Variants in RUNX1 observed in about 807,000 individuals in gnomAD.
RUNX1 encodes the protein RUNX family transcription factor 1.
Under a neutral mutation model 42.8 loss-of-function variants are expected in RUNX1, and 19 were observed. That is an observed-to-expected ratio of 0.44 (90% confidence interval 0.31 to 0.65). The LOEUF (loss-of-function observed/expected upper bound fraction) is 0.65. RUNX1 is among the 30% of genes least tolerant of loss of function. The probability of loss-of-function intolerance (pLI) is 0.07; values close to 1 mark genes in which losing one functional copy is unlikely to be tolerated. For synonymous variants in RUNX1, 271 were observed against 289.4 expected, an observed-to-expected ratio of 0.94 and a Z score of 0.64; for missense variants, 528 against 672.0, an observed-to-expected ratio of 0.79 and a Z score of 2.37.
chr21:34,906,536 C>T (rs1159518246), intron 2 of RUNX1, among the ~76,000 whole-genome samples: 7 of 152,148 alleles, frequency 4.6e-5, no homozygotes, highest in African/African-American at 1.4e-4. Context: ...GAACAATTAT[C>T]CCCTAAGGCT....
At chr21:34,934,358 T>C (rs902958457) in intron 2 of RUNX1, among the ~76,000 whole-genome samples, 1 of 152,298 alleles carries the variant, frequency 6.6e-6, no homozygotes, top group African/African-American at 2.4e-5. Context: ...GTCATTTTCA[T>C]GTTTCTCTTG....
chr21:34,962,598 C>T (rs190218057), intron 2 of RUNX1, among the ~76,000 whole-genome samples: 1 of 152,274 alleles, frequency 6.6e-6, no homozygotes, highest in East Asian at 1.9e-4. Flanking sequence ...CTTTACCACG[C>T]CACCCTGGCA....
chr21:34,951,391 C>T (rs1371207235), intron 2 of RUNX1, among the ~76,000 whole-genome samples: 4 of 152,166 alleles, frequency 2.6e-5, no homozygotes, highest in Non-Finnish European at 5.9e-5. Context: ...TCAATTTTGG[C>T]TTTTGTTGCC....
Position 34,791,834 on chromosome 21 carries a change from T to C in RUNX1, c.*301A>G, listed in dbSNP as rs2056438785. 4.2e-6 allele frequency: 1 copy of C among 238,716 alleles called. No individual in the cohort carries two copies. The highest frequency in any genetic ancestry group is 8.3e-6 in the Non-Finnish European group (1 of 121,106). 14.8% of individuals were successfully genotyped at this position (238,716 alleles called of 1,614,324 possible). A position where few individuals can be genotyped will look rare whatever the true frequency, so the allele number is the denominator to read the frequency against. ...CACAGTTTCCCTCCGGGAATCTTCC[T>C]GTTTGCTTTCCAGCGCGTCCCCTGG... is the stretch of plus-strand genomic sequence containing the variant. On this transcript the variant is annotated 3_prime_UTR_variant, in exon 9 of 9. Coordinates refer to ENST00000675419, the MANE Select transcript of RUNX1 (RefSeq NM_001754.5).
At chr21:34,800,190 T>A (rs2056589123) in intron 7 of RUNX1, among the ~76,000 whole-genome samples, 2 of 152,174 alleles carry the variant, frequency 1.3e-5, no homozygotes, top group Non-Finnish European at 2.9e-5. Context: ...AGGCCTGGGA[T>A]AGAGAAGAGA....
chr21:34,792,318 G>GCCCCCCCCC lies in RUNX1; in HGVS notation c.1259_1260insGGGGGGGGG (p.Gly421_Glu422insGlyGlyGly). The GCCCCCCCCC allele has an allele frequency of 1.4e-6, 2 of 1,470,034 alleles. No homozygotes were observed. Among genetic ancestry groups the GCCCCCCCCC allele is most frequent in the Non-Finnish European group, 1.8e-6 (2 of 1,099,412 alleles). The allele number at this position is 1,470,034 out of a possible 1,614,324, so 91.1% of individuals were successfully genotyped here. On this transcript the variant is annotated inframe_insertion, in exon 9 of 9. Coordinates refer to ENST00000675419, the MANE Select transcript of RUNX1 (RefSeq NM_001754.5). This position sits in a 1 kb window ranked among gnomAD's most constrained non-coding sequence, Gnocchi z 6.9. ...GGATGCGCGGCGGCGAGCGCTCGCC[G>GCCCCCCCCC]CCCACCATGGAGAACTGGTAGGAGC...
At chr21:34,952,752 T>C (rs1223320293) in intron 2 of RUNX1, among the ~76,000 whole-genome samples, 2 of 152,206 alleles carry the variant, frequency 1.3e-5, no homozygotes, top group Non-Finnish European at 2.9e-5. Context: ...TTCTTCTCAC[T>C]TTCAGGTCAT....
intron 8 of RUNX1, among the ~76,000 whole-genome samples, chr21:34,798,563 G>A (rs1204927339): frequency 6.6e-6 from 1 of 151,894 alleles, no homozygotes; most frequent in East Asian, 1.9e-4. Context: ...CTCTATATCC[G>A]TGGGTTCTGC....
rs56957776 is a variant in RUNX1 at position 34,823,430 on chromosome 21, GTT to G, written c.805+10978_805+10979del. ...TAAGCACCATTTCCATTCCTGGTGG[GTT>G]TTTTTTTTTTTTTTTTTTTTTTTTT... is the stretch of plus-strand genomic sequence containing the variant. On this transcript the variant is annotated intron_variant, in intron 7 of 8. Coordinates refer to ENST00000675419, the MANE Select transcript of RUNX1 (RefSeq NM_001754.5). Among the ~76,000 whole-genome samples, 117 of 99,626 alleles carry G rather than the reference GTT, an allele frequency of 1.2e-3. 1 individual carries two copies. Among genetic ancestry groups the G allele is most frequent in the African/African-American group, 5.6e-3 (110 of 19,502 alleles). The allele number at this position is 99,626 out of a possible 152,430, so 65.4% of individuals were successfully genotyped here.
intron 2 of RUNX1, among the ~76,000 whole-genome samples, chr21:34,982,039 C>T (rs1374958385): frequency 6.6e-6 from 1 of 152,164 alleles, no homozygotes; most frequent in East Asian, 1.9e-4. Flanking sequence ...TGGGCACATT[C>T]GTTAGTACAT....
chr21:34,849,283 TATATTATATATAAAATATATA>T (rs2057363198), intron 6 of RUNX1, among the ~76,000 whole-genome samples: 1 of 65,616 alleles, frequency 1.5e-5, no homozygotes. Flanking sequence ...ATATATAATA[TATATTATATATAAAATATATA>T]ATATATATTA....
intron 2 of RUNX1, among the ~76,000 whole-genome samples, chr21:35,007,951 G>A (rs1950533294): frequency 6.6e-6 from 1 of 152,082 alleles, no homozygotes; most frequent in African/African-American, 2.4e-5. Flanking sequence ...CCCATTTTAT[G>A]GATCCAGGTT....
intron 2 of RUNX1, among the ~76,000 whole-genome samples, chr21:34,931,982 C>T (rs1308262069): frequency 6.6e-6 from 1 of 151,976 alleles, no homozygotes; most frequent in African/African-American, 2.4e-5. Flanking sequence ...CAAACTTGGC[C>T]ATATGTAAGA....
At chr21:34,850,114 G>A (rs549822766) in intron 6 of RUNX1, among the ~76,000 whole-genome samples, 1 of 152,168 alleles carries the variant, frequency 6.6e-6, no homozygotes, top group Non-Finnish European at 1.5e-5. Context: ...GCTAGGGTAT[G>A]AGAAAAATTC....
At chr21:34,874,144 T>C (rs1193902183) in intron 5 of RUNX1, among the ~76,000 whole-genome samples, 1 of 147,628 alleles carries the variant, frequency 6.8e-6, no homozygotes, top group Non-Finnish European at 1.5e-5. Flanking sequence ...TCTCTCTCTC[T>C]CCCCCTTGCA....
chr21:34,889,994 G>C (rs13048584), intron 3 of RUNX1, among the ~76,000 whole-genome samples: 1 of 151,992 alleles, frequency 6.6e-6, no homozygotes, highest in Admixed American at 6.5e-5. Flanking sequence ...CCCGGCGCGG[G>C]GGTCCCTCGC....
At chr21:35,044,641 G>GCTT (rs1232333358) in intron 2 of RUNX1, among the ~76,000 whole-genome samples, 1 of 152,178 alleles carries the variant, frequency 6.6e-6, no homozygotes, top group Non-Finnish European at 1.5e-5. Context: ...TCCTGCCATT[G>GCTT]CTTTCTCTAA....
intron 2 of RUNX1, 51 bp downstream of exon 2, chr21:35,048,791 T>C: frequency 1.3e-6 from 2 of 1,501,210 alleles, no homozygotes; most frequent in South Asian, 2.3e-5. Flanking sequence ...GCCATTTCAT[T>C]ACAGGCAAAG....
intron 2 of RUNX1, among the ~76,000 whole-genome samples, chr21:35,027,179 C>A (rs1218287291): frequency 6.6e-6 from 1 of 152,198 alleles, no homozygotes; most frequent in Non-Finnish European, 1.5e-5. Flanking sequence ...CACCCTACCC[C>A]CACATGAAAC....
Sources: gnomAD v4.1 joint callset for allele counts (sites outside exome capture counted in the v4.1 genomes callset) on GRCh38, gnomAD v4.1.1 for gene constraint, Gnocchi (gnomAD v3.1) non-coding constraint, MANE v1.5 for transcripts, NCBI Gene and HGNC (gene_info 2026-07-23, HGNC 2026-07-21) for gene names.